Variants in RUNX2 observed in about 807,000 individuals in gnomAD.
The protein encoded by RUNX2 is runt-related transcription factor 2.
A neutral mutation model predicts 51.7 loss-of-function variants in RUNX2; 10 were observed. The ratio of observed to expected loss-of-function variants is 0.19; its 90% CI spans 0.12 to 0.33. RUNX2 has a LOEUF of 0.33. RUNX2 is among the 10% of genes least tolerant of loss of function. The pLI, the probability that RUNX2 is intolerant of heterozygous loss-of-function variation, is 1.00. For synonymous variants in RUNX2, 276 were observed against 273.6 expected (o/e 1.01, Z -0.09); for missense variants, 562 against 691.3 (o/e 0.81, Z 2.10).
At chr6:45,466,904 A>G (rs1799649740) in intron 5 of RUNX2, among the ~76,000 whole-genome samples, 1 of 152,236 alleles carries the variant, frequency 6.6e-6, no homozygotes, top group Non-Finnish European at 1.5e-5. Context: ...ATTTGGTCAG[A>G]TTGTGCTAAA....
intron 2 of RUNX2, among the ~76,000 whole-genome samples, chr6:45,368,459 TG>T (rs1343704681): frequency 1.3e-5 from 2 of 152,152 alleles, no homozygotes; most frequent in Non-Finnish European, 2.9e-5. Context: ...TTAATTGTAG[TG>T]AAGTTAATCA....
intron 2 of RUNX2, chr6:45,421,444 CA>C (rs1248603962): frequency 6.6e-6 from 1 of 152,168 alleles, no homozygotes; most frequent in African/African-American, 2.4e-5. Context: ...AAAAAACACC[CA>C]AACCCTGCAA....
At chr6:45,498,359 C>T (rs1390288662) in intron 6 of RUNX2, among the ~76,000 whole-genome samples, 1 of 152,142 alleles carries the variant, frequency 6.6e-6, no homozygotes, top group African/African-American at 2.4e-5. Flanking sequence ...CTGTGAGTTC[C>T]TGATTCTTAG....
intron 2 of RUNX2, among the ~76,000 whole-genome samples, chr6:45,400,751 ACT>A (rs1240022519): frequency 1.3e-5 from 2 of 152,104 alleles, no homozygotes; most frequent in African/African-American, 4.8e-5. Context: ...CTTCACAAAG[ACT>A]CTCTGTGTGG....
At chr6:45,474,867 T>G (rs1799910696) in intron 5 of RUNX2, among the ~76,000 whole-genome samples, 1 of 152,142 alleles carries the variant, frequency 6.6e-6, no homozygotes, top group Non-Finnish European at 1.5e-5. Context: ...AACAAACACT[T>G]ACTGGGTACC....
intron 2 of RUNX2, 85 bp from the exon 3 acceptor site, chr6:45,422,508 T>G: frequency 1.2e-6 from 1 of 829,188 alleles, no homozygotes; most frequent in Non-Finnish European, 1.7e-6. Flanking sequence ...CCCCCCAATT[T>G]CCTCCTTGCC....
At chr6:45,409,226 C>A (rs1355760454) in intron 2 of RUNX2, among the ~76,000 whole-genome samples, 5 of 152,202 alleles carry the variant, frequency 3.3e-5, no homozygotes, top group African/African-American at 1.2e-4. Flanking sequence ...AACTCCCTTC[C>A]AGGAACAGAG....
At chr6:45,372,056 G>A in intron 2 of RUNX2, 1 of 963,720 alleles carries the variant, frequency 1.0e-6, no homozygotes. Context: ...TAACCCAAAA[G>A]GCCTCCACAA....
chr6:45,495,194 C>T (rs1158364838), intron 6 of RUNX2, among the ~76,000 whole-genome samples: 1 of 152,210 alleles, frequency 6.6e-6, no homozygotes, highest in Non-Finnish European at 1.5e-5. Flanking sequence ...CTACATTGTA[C>T]ATTCTTTGAG....
At chr6:45,435,539 G>A (rs1441099651) in intron 4 of RUNX2, among the ~76,000 whole-genome samples, 2 of 152,150 alleles carry the variant, frequency 1.3e-5, no homozygotes, top group African/African-American at 4.8e-5. Flanking sequence ...TATATTTTTA[G>A]TAGAGACAGG....
intron 5 of RUNX2, among the ~76,000 whole-genome samples, chr6:45,468,895 C>T (rs550070771): frequency 1.7e-4 from 26 of 152,350 alleles, no homozygotes. Context: ...GGAGTTTGTA[C>T]TACCTGAGCT....
At chr6:45,467,502 G>A (rs758061822) in intron 5 of RUNX2, among the ~76,000 whole-genome samples, 4 of 151,928 alleles carry the variant, frequency 2.6e-5, no homozygotes, top group Non-Finnish European at 5.9e-5. Context: ...GGCTGGTCTC[G>A]AACTCCTGAC....
At chr6:45,434,458 T>C (rs1798626182) in intron 4 of RUNX2, among the ~76,000 whole-genome samples, 1 of 152,182 alleles carries the variant, frequency 6.6e-6, no homozygotes. Context: ...TTTTTTTCTT[T>C]CCACTGGTAG....
intron 2 of RUNX2, among the ~76,000 whole-genome samples, chr6:45,417,027 T>C (rs1360270683): frequency 6.6e-6 from 1 of 152,200 alleles, no homozygotes; most frequent in African/African-American, 2.4e-5. Flanking sequence ...AAAAATTTAC[T>C]GAGCTTAAAA....
intron 2 of RUNX2, among the ~76,000 whole-genome samples, chr6:45,418,008 A>T (rs550584613): frequency 1.3e-5 from 2 of 152,302 alleles, no homozygotes; most frequent in South Asian, 4.1e-4. Context: ...TCCAAACGAA[A>T]ATTCTCCAAA....
intron 6 of RUNX2, among the ~76,000 whole-genome samples, chr6:45,499,999 T>C (rs145620726): frequency 1.9e-3 from 295 of 152,342 alleles, no homozygotes; most frequent in African/African-American, 6.6e-3. Context: ...GGGTCCTTTT[T>C]TGCCCTGTTT....
At chr6:45,350,114 A>G (rs1298791994) in intron 2 of RUNX2, among the ~76,000 whole-genome samples, 2 of 152,240 alleles carry the variant, frequency 1.3e-5, no homozygotes, top group Non-Finnish European at 2.9e-5. Flanking sequence ...TACAAAAACA[A>G]AAGTATTTCT....
Position 45,422,706 on chromosome 6 carries a change from C to G in RUNX2, c.172C>G (p.Gln58Glu). Residue 58 changes from glutamine to glutamate, a missense_variant, in exon 3 of 9, where the codon CAA (glutamine) becomes GAA (glutamate). Coordinates refer to ENST00000647337, the MANE Select transcript of RUNX2 (RefSeq NM_001024630.4). ...ACAGCAGCAGCAACAGCAGCAGCAG[C>G]AACAGCAGCAGCAGCAGCAGCAACA... is the stretch of plus-strand genomic sequence containing the variant. ...AQQQQQQQQQ[Q>E]QQQQQQQQQQ... is the part of the protein sequence containing the mutation. 3.1e-6 allele frequency: 5 copies of G among 1,595,948 alleles called. No homozygotes were observed. Among genetic ancestry groups the G allele is most frequent in the Non-Finnish European group, 4.3e-6 (5 of 1,171,180 alleles).
intron 2 of RUNX2, among the ~76,000 whole-genome samples, chr6:45,405,617 C>T (rs535676412): frequency 6.4e-4 from 98 of 152,192 alleles, no homozygotes; most frequent in Non-Finnish European, 8.4e-4. Context: ...GGTGAAACCC[C>T]GTCTCTACTG....
Sources: allele counts gnomAD v4.1 joint callset (sites outside exome capture counted in the v4.1 genomes callset), GRCh38; gene constraint gnomAD v4.1.1; transcripts MANE v1.5; gene names NCBI Gene and HGNC (gene_info 2026-07-23, HGNC 2026-07-21).